The following MED1 variants were observed in gnomAD, a reference collection of about 807,000 sequenced individuals.
MED1 encodes the protein mediator complex subunit 1, also known as mediator of RNA polymerase II transcription subunit 1.
MED1 carries 17 observed loss-of-function variants against 121.3 expected under a neutral mutation model. The observed-to-expected ratio is 0.14, with a 90% CI of 0.10 to 0.21. MED1 has a LOEUF of 0.21. MED1 is among the 10% of genes least tolerant of loss of function. The pLI is 1.00. For synonymous variants in MED1, 661 were observed against 694.4 expected, an observed-to-expected ratio of 0.95 and a Z score of 0.76; for missense variants, 1,558 against 1,919.4, an observed-to-expected ratio of 0.81 and a Z score of 3.52.
At position 39,404,559 on chromosome 17, in the gene MED1, T is replaced by TAA. The variant is rs1262267149; in HGVS notation, c.*2914_*2915dup. On this transcript the variant is annotated 3_prime_UTR_variant, in exon 17 of 17. Transcript: ENST00000300651. ...TTTCCCAATCTAGCTTCTGAGATGT[T>TAA]AAGTACTTCCTGCCCCTCCAAAACT... The TAA allele has an allele frequency of 6.6e-6, 1 of 152,292 alleles. No individual in the cohort carries two copies. Among genetic ancestry groups the TAA allele is most frequent in the Non-Finnish European group, 1.5e-5 (1 of 68,024 alleles). 9.4% of individuals were successfully genotyped at this position (152,292 alleles called of 1,614,324 possible).
At chr17:39,416,404 T>G (rs961614537) in intron 14 of MED1, among the ~76,000 whole-genome samples, 1 of 152,154 alleles carries the variant, frequency 6.6e-6, no homozygotes, top group African/African-American at 2.4e-5. Context: ...AATAATGTAT[T>G]TATTCCACAT....
At position 39,405,165 on chromosome 17, in the gene MED1, G is replaced by T; in HGVS notation, c.*2310C>A. On this transcript the variant is annotated 3_prime_UTR_variant, in exon 17 of 17. Transcript: ENST00000300651. Reference sequence around the variant, plus strand: ...CCTCCACCCTGTGGAGAAATGCAGTGCTCCCTGGTTCTCAGGCAGGGTGAA... The same window carrying T: ...CCTCCACCCTGTGGAGAAATGCAGTTCTCCCTGGTTCTCAGGCAGGGTGAA... 6.7e-7 allele frequency: 1 copy of T among 1,503,600 alleles called. No homozygotes were observed. The highest frequency in any genetic ancestry group is 9.0e-7 in the Non-Finnish European group (1 of 1,117,248). 93.1% of individuals were successfully genotyped at this position (1,503,600 alleles called of 1,614,324 possible).
At chr17:39,424,277 C>T (rs894989908) in intron 11 of MED1, among the ~76,000 whole-genome samples, 5 of 152,194 alleles carry the variant, frequency 3.3e-5, no homozygotes, top group African/African-American at 1.2e-4. Context: ...CCCCAATTCC[C>T]AGACATGCTA....
chr17:39,408,826 T>C lies in MED1; in HGVS notation c.3395A>G (p.Tyr1132Cys). The C allele has an allele frequency of 1.2e-6, 2 of 1,614,134 alleles. No individual in the cohort carries two copies. The highest frequency in any genetic ancestry group is 1.7e-6 in the Non-Finnish European group (2 of 1,180,006). ...AGATCCAGAAGACCCCTGGCTAGAA[T>C]ACATACTGCTACTTAACTTGGAACT... ...SSSSKLSSSM[Y>C]SSQGSSGSSQ... is the part of the protein sequence containing the mutation. Residue 1132 changes from tyrosine (Y) to cysteine (C), a missense_variant, in exon 17 of 17, where the codon TAT (tyrosine) becomes TGT (cysteine). By Grantham distance (194) the Tyr-to-Cys change is radical (BLOSUM62 -2). Coordinates refer to ENST00000300651, the MANE Select transcript of MED1 (RefSeq NM_004774.4). The surrounding 1 kb of genome is among the most constrained non-coding windows in gnomAD (Gnocchi z 4.7).
intron 1 of MED1, among the ~76,000 whole-genome samples, chr17:39,450,785 C>G (rs942458727): frequency 2.6e-5 from 4 of 152,162 alleles, no homozygotes; most frequent in Non-Finnish European, 4.4e-5. Flanking sequence ...TGCCCCGTCT[C>G]CCACCACTTT....
chr17:39,438,906 G>A (rs369648037), intron 6 of MED1, among the ~76,000 whole-genome samples: 17 of 152,230 alleles, frequency 1.1e-4, no homozygotes, highest in South Asian at 1.0e-3. Flanking sequence ...CTGAGATCGC[G>A]CCACTGCACT....
intron 9 of MED1, among the ~76,000 whole-genome samples, chr17:39,428,680 T>C (rs761741699): frequency 3.3e-5 from 5 of 151,282 alleles, no homozygotes; most frequent in East Asian, 2.0e-4. Flanking sequence ...CGCTTGGGTG[T>C]GGTGGCACAC....
chr17:39,440,019 A>AAGG lies in MED1; in HGVS notation c.399+366_399+367insCCT. Among the ~76,000 whole-genome samples the AAGG allele has an allele frequency of 1.3e-5, 1 of 78,118 alleles. No individual in the cohort carries two copies. The highest frequency in any genetic ancestry group is 3.8e-5 in the Non-Finnish European group (1 of 26,388). The allele number at this position is 78,118 out of a possible 152,430, so 51.2% of individuals were successfully genotyped here. Reference sequence around the variant, plus strand: ...GAAGGAAGGAAGGAAGGAAGGAAGGAAAGAAAGAAAGAAAGAGAGAAAGAG... The same window carrying AAGG: ...GAAGGAAGGAAGGAAGGAAGGAAGGAAGGAAGAAAGAAAGAAAGAGAGAAAGAG... On this transcript the variant is annotated intron_variant, in intron 5 of 16. Coordinates refer to ENST00000300651, the MANE Select transcript of MED1 (RefSeq NM_004774.4). This position sits in a 1 kb window ranked among gnomAD's most constrained non-coding sequence, Gnocchi z 4.1.
Position 39,409,429 on chromosome 17 carries a change from A to T in MED1, c.2792T>A (p.Phe931Tyr), listed in dbSNP as rs1438720662. 2 of 1,614,150 alleles carry T rather than the reference A, an allele frequency of 1.2e-6. No individual in the cohort carries two copies. Among genetic ancestry groups the T allele is most frequent in the Non-Finnish European group, 1.7e-6 (2 of 1,180,018 alleles). Residue 931 changes from phenylalanine (F) to tyrosine (Y), a missense_variant, in exon 17 of 17, where the codon TTC (phenylalanine) becomes TAC (tyrosine). Phe to Tyr is a conservative substitution (Grantham distance 22). Coordinates refer to ENST00000300651, the MANE Select transcript of MED1 (RefSeq NM_004774.4). Reference protein sequence around the residue: ...KGNNQADTVDFSIISVAGKAL... With the variant: ...KGNNQADTVDYSIISVAGKAL... ...TTTGCCGGCTACTGAAATAATACTGAAATCAACTGTGTCGGCTTGGTTATT... is the reference window on the plus strand; with the variant it reads ...TTTGCCGGCTACTGAAATAATACTGTAATCAACTGTGTCGGCTTGGTTATT...
rs576539351 is a variant in MED1, at chr17:39,440,897, C to T, written c.212-220G>A. 1.3e-5 allele frequency among the ~76,000 whole-genome samples: 2 copies of T among 152,186 alleles called. No individual in the cohort carries two copies. Among genetic ancestry groups the T allele is most frequent in the South Asian group, 2.1e-4 (1 of 4,822 alleles). ...ATTTGAAAAATTACCGAACCTTTCT[C>T]CTCTCCTGTTTTCATTACTCCTTAT... On this transcript the variant is annotated intron_variant, in intron 3 of 16. Transcript: ENST00000300651. This position sits in a 1 kb window ranked among gnomAD's most constrained non-coding sequence, Gnocchi z 4.1.
Position 39,405,868 on chromosome 17 carries a change from A to G in MED1, c.*1607T>C. 3.0e-6 allele frequency: 3 copies of G among 986,010 alleles called. No homozygotes were observed. Among genetic ancestry groups the G allele is most frequent in the Non-Finnish European group, 3.6e-6 (3 of 830,282 alleles). 61.1% of individuals were successfully genotyped at this position (986,010 alleles called of 1,614,324 possible). ...TAGAAATCTTCTTCCATATATGATG[A>G]AGTCACTCCACTTACGACATAACAC... On this transcript the variant is annotated 3_prime_UTR_variant, in exon 17 of 17. Coordinates refer to ENST00000300651, the MANE Select transcript of MED1 (RefSeq NM_004774.4).
At position 39,409,902 on chromosome 17, in the gene MED1, G is replaced by C; in HGVS notation, c.2319C>G (p.Asp773Glu). ...IQRMVRLSSS[D>E]SIGPDVTDIL... ...TGTCAGTTACATCTGGGCCAATGCT[G>C]TCTGAACTGGATAGTCGGACCATCC... The change falls in exon 17 of 17, where the codon GAC becomes GAG. Residue 773 changes from aspartate (D) to glutamate (E), a missense_variant. Coordinates refer to ENST00000300651, the MANE Select transcript of MED1 (RefSeq NM_004774.4). The C allele has an allele frequency of 1.2e-6, 2 of 1,614,178 alleles. No homozygotes were observed. The highest frequency in any genetic ancestry group is 1.1e-5 in the South Asian group (1 of 91,086).
intron 2 of MED1, among the ~76,000 whole-genome samples, chr17:39,445,790 G>C (rs1021797856): frequency 6.6e-6 from 1 of 152,018 alleles, no homozygotes; most frequent in Non-Finnish European, 1.5e-5. Flanking sequence ...CAGCACTTTG[G>C]GAGGCTGAGG....
Position 39,408,721 on chromosome 17 carries a change from G to A in MED1, c.3500C>T (p.Ser1167Phe), listed in dbSNP as rs150979306. 2,867 of 1,614,218 alleles carry A rather than the reference G, an allele frequency of 1.8e-3. 7 individuals are homozygous for A. The highest frequency in any genetic ancestry group is 1.8e-3 in the Non-Finnish European group (2,163 of 1,180,036). ...PITKHGLSSG[S>F]SSTKMKPQGK... is the part of the protein sequence containing the mutation. The stretch of plus-strand genomic sequence containing the variant: ...TTGAGGTTTCATCTTGGTGCTGCTA[G>A]AGCCACTGCTCAGTCCATGCTTGGT... The change falls in exon 17 of 17, where the codon TCT becomes TTT. Residue 1167 changes from serine (S) to phenylalanine (F), a missense_variant. Transcript: ENST00000300651. The surrounding 1 kb of genome is among the most constrained non-coding windows in gnomAD (Gnocchi z 4.7).
At chr17:39,432,759 A>C (rs1311826484) in intron 7 of MED1, among the ~76,000 whole-genome samples, 1 of 151,510 alleles carries the variant, frequency 6.6e-6, no homozygotes, top group Non-Finnish European at 1.5e-5. Context: ...TCTCCAAAAA[A>C]AAACAAAAAC....
At chr17:39,431,380 T>G in intron 8 of MED1, 192 bp from the exon 9 acceptor site, 2 of 447,972 alleles carry the variant, frequency 4.5e-6, no homozygotes, top group South Asian at 5.6e-5. Context: ...CAGGTTCCAG[T>G]GATTCTCCTG....
intron 2 of MED1, among the ~76,000 whole-genome samples, chr17:39,447,343 A>G (rs895270121): frequency 1.3e-5 from 2 of 151,734 alleles, no homozygotes; most frequent in Non-Finnish European, 2.9e-5. Context: ...GTGAGCCGAG[A>G]TCGGGCTATT....
At chr17:39,435,146 C>T (rs1185241757) in intron 6 of MED1, among the ~76,000 whole-genome samples, 7 of 152,030 alleles carry the variant, frequency 4.6e-5, no homozygotes, top group African/African-American at 1.4e-4. Context: ...CCAGCCTGGG[C>T]AACAGAGCAA....
intron 16 of MED1, among the ~76,000 whole-genome samples, chr17:39,411,991 T>C (rs1254418543): frequency 1.4e-5 from 2 of 142,486 alleles, no homozygotes; most frequent in African/African-American, 2.5e-5. Flanking sequence ...CAGGTGACAG[T>C]ACAAGACTCC....
Sources: allele counts gnomAD v4.1 joint callset (sites outside exome capture counted in the v4.1 genomes callset), GRCh38; gene constraint gnomAD v4.1.1; non-coding constraint Gnocchi (gnomAD v3.1); transcripts MANE v1.5; gene names NCBI Gene and HGNC (gene_info 2026-07-23, HGNC 2026-07-21).